UBR3: variants seen among roughly 807,000 people sequenced by gnomAD.
UBR3 encodes the protein E3 ubiquitin-protein ligase UBR3.
A neutral mutation model predicts 243.2 loss-of-function variants in UBR3; 85 were observed. That is an observed-to-expected ratio of 0.35 (90% CI 0.29 to 0.42). UBR3 has a LOEUF of 0.42. Ranked by LOEUF, UBR3 falls within the 10% of genes least tolerant of loss-of-function variation. UBR3 has a pLI of 1.00. For missense variants in UBR3, 1,686 were observed against 2,300.8 expected (o/e 0.73, Z 5.47); for synonymous variants, 748 against 799.8 (o/e 0.94, Z 1.09).
Position 169,877,725 on chromosome 2 carries a change from A to C in UBR3, c.988+88A>C, listed in dbSNP as rs565135020. The C allele has an allele frequency of 6.9e-6, 9 of 1,312,938 alleles. No individual in the cohort carries two copies. The African/African-American group carries it at 1.4e-4, about 20-fold the overall frequency. 81.3% of individuals were successfully genotyped at this position (1,312,938 alleles called of 1,614,324 possible). ...TCAAACTTTACTCATTATTGAAAAA[A>C]ATTATTTTGAACTAAAACAGTATTA... On this transcript the variant is annotated intron_variant, in intron 4 of 38. Transcript: ENST00000272793.
At chr2:170,060,112 G>C (rs539797668) in intron 33 of UBR3, among the ~76,000 whole-genome samples, 2 of 152,084 alleles carry the variant, frequency 1.3e-5, no homozygotes. Flanking sequence ...ACATTCTGTG[G>C]TGTTTATCCC....
At chr2:169,935,549 T>A (rs1278826203) in intron 19 of UBR3, among the ~76,000 whole-genome samples, 2 of 152,242 alleles carry the variant, frequency 1.3e-5, no homozygotes, top group African/African-American at 4.8e-5. Flanking sequence ...ATAAAGCATC[T>A]GTTTTAAATT....
intron 30 of UBR3, among the ~76,000 whole-genome samples, chr2:170,018,190 T>A (rs541346703): frequency 6.6e-6 from 1 of 152,314 alleles, no homozygotes; most frequent in Admixed American, 6.5e-5. Flanking sequence ...AACTCTCCTA[T>A]TTATCTTGTC....
rs1427004252 is a variant in UBR3 at position 169,836,065 on chromosome 2, ATATTTTTTT to A, written c.545+8015_545+8023del. ...TCTCTATATATATATATATATATAT[ATATTTTTTT>A]TTTTTTTTTTTTTTTTTTTGAGATG... is the stretch of plus-strand genomic sequence containing the variant. On this transcript the variant is annotated intron_variant, in intron 1 of 38. Coordinates refer to ENST00000272793, the MANE Select transcript of UBR3 (RefSeq NM_172070.4). Among the ~76,000 whole-genome samples the A allele has an allele frequency of 8.6e-4, 24 of 27,938 alleles. 2 individuals are homozygous for A. Among genetic ancestry groups the A allele is most frequent in the African/African-American group, 2.2e-3 (19 of 8,768 alleles). 18.3% of individuals were successfully genotyped at this position (27,938 alleles called of 152,430 possible). A position where few individuals can be genotyped will look rare whatever the true frequency, so the allele number is the denominator to read the frequency against.
At chr2:169,878,390 C>A in intron 4 of UBR3, 135 bp from the exon 5 acceptor site, 3 of 792,852 alleles carry the variant, frequency 3.8e-6, no homozygotes, top group African/African-American at 1.8e-5. Context: ...TGGACTTTGC[C>A]AAGATAACTG....
Position 169,882,216 on chromosome 2 carries a change from G to A in UBR3, c.1038+3642G>A, listed in dbSNP as rs541989900. On this transcript the variant is annotated intron_variant, in intron 5 of 38. Transcript: ENST00000272793. The stretch of plus-strand genomic sequence containing the variant: ...ATAAATAATATACACATTTATATAT[G>A]TATATTATATACATATATTTATATT... Among the ~76,000 whole-genome samples, 568 of 128,034 alleles carry A rather than the reference G, an allele frequency of 4.4e-3. 1 individual carries two copies. Among genetic ancestry groups the A allele is most frequent in the African/African-American group, 0.015 (508 of 33,406 alleles). The allele number at this position is 128,034 out of a possible 152,430, so 84.0% of individuals were successfully genotyped here.
intron 24 of UBR3, among the ~76,000 whole-genome samples, chr2:169,977,660 T>C (rs2105381347): frequency 6.6e-6 from 1 of 152,288 alleles, no homozygotes; most frequent in African/African-American, 2.4e-5. Context: ...TTGTTCTAGC[T>C]TTACCCACAG....
chr2:170,068,673 G>GTTCT (rs1308076518), intron 35 of UBR3, among the ~76,000 whole-genome samples: 1 of 151,956 alleles, frequency 6.6e-6, no homozygotes, highest in African/African-American at 2.4e-5. Context: ...CCAAAATCTG[G>GTTCT]TTCTTTACAA....
chr2:169,890,534 G>GATATATATATATATATAC (rs1329333538), intron 5 of UBR3, among the ~76,000 whole-genome samples: 2 of 17,456 alleles, frequency 1.1e-4, no homozygotes, highest in African/African-American at 1.8e-4. Context: ...AGGAGAGAGA[G>GATATATATATATATATAC]AGAGAGATAT....
In UBR3 at chr2:169,962,698, A is replaced by G. The variant is rs147725159; in HGVS notation, c.3634+4172A>G. Among the ~76,000 whole-genome samples the G allele has an allele frequency of 5.2e-3, 790 of 152,196 alleles. 1 individual carries two copies. Among genetic ancestry groups the G allele is most frequent in the Non-Finnish European group, 8.2e-3 (555 of 68,014 alleles). ...CTCTCTTCAGTATCTTGTTCTTACTATGTGTATAGAATTTTCTCTAAAAAT... is the reference window on the plus strand; with the variant it reads ...CTCTCTTCAGTATCTTGTTCTTACTGTGTGTATAGAATTTTCTCTAAAAAT... On this transcript the variant is annotated intron_variant, in intron 24 of 38. Coordinates refer to ENST00000272793, the MANE Select transcript of UBR3 (RefSeq NM_172070.4).
intron 1 of UBR3, among the ~76,000 whole-genome samples, chr2:169,845,502 TCGTCGTCGTCG>T (rs2082438415): frequency 1.9e-4 from 3 of 15,998 alleles, no homozygotes; most frequent in Non-Finnish European, 6.2e-4. Context: ...TTCGTCGTCA[TCGTCGTCGTCG>T]TCGTCGTCGT....
chr2:169,914,171 A>G, intron 11 of UBR3, 25 bp downstream of exon 11: 1 of 1,350,520 alleles, frequency 7.4e-7, no homozygotes, highest in Non-Finnish European at 9.9e-7. Context: ...GATGTATGTA[A>G]ATTTTTTGAT....
chr2:169,915,481 C>G (rs1398003937), intron 11 of UBR3, among the ~76,000 whole-genome samples: 8 of 152,164 alleles, frequency 5.3e-5, no homozygotes, highest in Non-Finnish European at 1.2e-4. Flanking sequence ...GGTGATTCAC[C>G]CGCCTCAGCC....
chr2:169,942,864 A>T (rs1488381416), intron 20 of UBR3, among the ~76,000 whole-genome samples: 1 of 152,226 alleles, frequency 6.6e-6, no homozygotes, highest in Non-Finnish European at 1.5e-5. Context: ...GCTACCGATA[A>T]AAGTATTTAT....
At position 169,827,993 on chromosome 2, in the gene UBR3, C is replaced by T. The variant is rs2081798682; in HGVS notation, c.486C>T (p.Phe162=). 2.1e-6 allele frequency: 3 copies of T among 1,431,584 alleles called. No individual in the cohort carries two copies. The highest frequency in any genetic ancestry group is 1.5e-5 in the African/African-American group (1 of 68,106). The allele number at this position is 1,431,584 out of a possible 1,614,324, so 88.7% of individuals were successfully genotyped here. Residue 162 remains phenylalanine, a synonymous_variant, in exon 1 of 39, where the codon TTC becomes TTT. Coordinates refer to ENST00000272793, the MANE Select transcript of UBR3 (RefSeq NM_172070.4). ...ACACCGGACACGACTTCAACATGTT[C>T]CGCAGCCAGGCCGGGGGCGCCTGCG... ...GDHTGHDFNM[F]RSQAGGACDC...
intron 22 of UBR3, among the ~76,000 whole-genome samples, chr2:169,949,259 A>G (rs997130): frequency 0.42 from 64,269 of 151,840 alleles, 15,199 homozygotes; most frequent in Non-Finnish European, 0.54. Context: ...ATTCTTCATG[A>G]ATGTTGACCA....
chr2:170,031,517 A>G (rs930799603), intron 31 of UBR3, among the ~76,000 whole-genome samples: 1 of 151,948 alleles, frequency 6.6e-6, no homozygotes, highest in Non-Finnish European at 1.5e-5. Flanking sequence ...TTAGATTTCT[A>G]TTTTTTAAAA....
intron 26 of UBR3, among the ~76,000 whole-genome samples, chr2:169,996,360 C>T (rs1270600081): frequency 6.6e-6 from 1 of 152,182 alleles, no homozygotes; most frequent in Non-Finnish European, 1.5e-5. Flanking sequence ...ATTTCCTCAT[C>T]TGTAAAATAG....
intron 30 of UBR3, among the ~76,000 whole-genome samples, chr2:170,022,809 A>G (rs1315049655): frequency 6.6e-6 from 1 of 151,588 alleles, no homozygotes; most frequent in Non-Finnish European, 1.5e-5. Context: ...TAGGAATGGG[A>G]TAGGGAGAGA....
Sources: gnomAD v4.1 joint callset for allele counts (sites outside exome capture counted in the v4.1 genomes callset) on GRCh38, gnomAD v4.1.1 for gene constraint, MANE v1.5 for transcripts, NCBI Gene and HGNC (gene_info 2026-07-23, HGNC 2026-07-21) for gene names.